Variants in CNTNAP5 observed in about 807,000 individuals in gnomAD.
CNTNAP5 encodes the protein contactin associated protein family member 5.
CNTNAP5 carries 72 observed loss-of-function variants against 150.2 expected under a neutral mutation model. The observed-to-expected ratio is 0.48, with a 90% CI of 0.40 to 0.58. The LOEUF (loss-of-function observed/expected upper bound fraction) is 0.58. Ranked by LOEUF, CNTNAP5 falls within the 20% of genes least tolerant of loss-of-function variation. The probability of loss-of-function intolerance (pLI) is 0.00; values close to 1 mark genes in which losing one functional copy is unlikely to be tolerated. For missense variants in CNTNAP5, 1,636 were observed against 1,626.2 expected (o/e 1.01, Z -0.10); for synonymous variants, 672 against 619.8 (o/e 1.08, Z -1.25).
At chr2:124,322,334 G>T (rs1689121965) in intron 3 of CNTNAP5, among the ~76,000 whole-genome samples, 1 of 152,106 alleles carries the variant, frequency 6.6e-6, no homozygotes, top group Non-Finnish European at 1.5e-5. Flanking sequence ...TGCAGCACAG[G>T]TTAGAGATTG....
At chr2:124,821,276 A>G (rs937581241) in intron 19 of CNTNAP5, among the ~76,000 whole-genome samples, 1 of 152,202 alleles carries the variant, frequency 6.6e-6, no homozygotes, top group Admixed American at 6.5e-5. Flanking sequence ...ATCTCAGGTT[A>G]TGTAATTTCC....
In CNTNAP5 at chr2:124,066,219, T is replaced by C. The variant is rs116450860; in HGVS notation, c.82+40487T>C. On this transcript the variant is annotated intron_variant, in intron 1 of 23. Coordinates refer to ENST00000682447, the MANE Select transcript of CNTNAP5 (RefSeq NM_001367498.1). Reference sequence around the variant, plus strand: ...TTCTTTCCCCACATCTTGAAAAGCATTATGGATACTCACACTAAAACTCTG... The same window carrying C: ...TTCTTTCCCCACATCTTGAAAAGCACTATGGATACTCACACTAAAACTCTG... Among the ~76,000 whole-genome samples the C allele has an allele frequency of 2.6e-3, 403 of 152,294 alleles. 1 individual carries two copies. The highest frequency in any genetic ancestry group is 9.0e-3 in the African/African-American group (374 of 41,562).
chr2:124,373,402 T>C (rs1171891710), intron 3 of CNTNAP5, among the ~76,000 whole-genome samples: 1 of 152,036 alleles, frequency 6.6e-6, no homozygotes, highest in Non-Finnish European at 1.5e-5. Context: ...GATCAAGGAA[T>C]GGAGAGACAG....
At chr2:124,557,345 A>G (rs1558952789) in intron 10 of CNTNAP5, among the ~76,000 whole-genome samples, 1 of 151,938 alleles carries the variant, frequency 6.6e-6, no homozygotes, top group Non-Finnish European at 1.5e-5. Flanking sequence ...AAAACACAAA[A>G]GTGAGGCTCC....
chr2:124,360,690 A>T (rs2104714261), intron 3 of CNTNAP5, among the ~76,000 whole-genome samples: 1 of 124,568 alleles, frequency 8.0e-6, no homozygotes, highest in South Asian at 2.8e-4. Context: ...TGTTAGTCTG[A>T]TGGGCTTCCC....
chr2:124,369,371 C>T (rs1453710247), intron 3 of CNTNAP5, among the ~76,000 whole-genome samples: 1 of 151,632 alleles, frequency 6.6e-6, no homozygotes, highest in Admixed American at 6.6e-5. Flanking sequence ...CATCTAATCT[C>T]GTGGTTCTCG....
intron 1 of CNTNAP5, among the ~76,000 whole-genome samples, chr2:124,054,157 T>G (rs1681783648): frequency 6.6e-6 from 1 of 152,074 alleles, no homozygotes; most frequent in Admixed American, 6.6e-5. Flanking sequence ...AAAAAATCCC[T>G]CAATTCAAGC....
intron 1 of CNTNAP5, among the ~76,000 whole-genome samples, chr2:124,028,634 C>T (rs1218742133): frequency 1.3e-5 from 2 of 151,966 alleles, no homozygotes; most frequent in East Asian, 3.8e-4. Flanking sequence ...ATATAGTAGG[C>T]CAATGTTTAA....
At chr2:124,440,478 G>A (rs1573996392) in intron 5 of CNTNAP5, among the ~76,000 whole-genome samples, 2 of 152,204 alleles carry the variant, frequency 1.3e-5, no homozygotes, top group East Asian at 1.9e-4. Flanking sequence ...CTAGAAAGAA[G>A]ATTTAATCAA....
At chr2:124,378,014 G>T (rs1690695438) in intron 3 of CNTNAP5, among the ~76,000 whole-genome samples, 1 of 152,044 alleles carries the variant, frequency 6.6e-6, no homozygotes, top group Non-Finnish European at 1.5e-5. Flanking sequence ...TGGGAATGTT[G>T]TTTAAGAACT....
chr2:124,644,543 A>G (rs1409175403), intron 12 of CNTNAP5, among the ~76,000 whole-genome samples: 2 of 152,266 alleles, frequency 1.3e-5, no homozygotes, highest in African/African-American at 2.4e-5. Context: ...ATGAACAATC[A>G]GATGAATTAA....
chr2:124,283,526 G>T (rs1688069232), intron 3 of CNTNAP5, among the ~76,000 whole-genome samples: 1 of 152,156 alleles, frequency 6.6e-6, no homozygotes, highest in Non-Finnish European at 1.5e-5. Context: ...TTGCAGAGAG[G>T]CTGGCTTCAA....
chr2:124,466,840 T>C (rs1693389274), intron 6 of CNTNAP5, among the ~76,000 whole-genome samples: 1 of 152,160 alleles, frequency 6.6e-6, no homozygotes, highest in Non-Finnish European at 1.5e-5. Context: ...CTCCATTCAG[T>C]ATCATCCACA....
intron 21 of CNTNAP5, among the ~76,000 whole-genome samples, chr2:124,878,811 T>C (rs1677911068): frequency 1.3e-5 from 2 of 151,846 alleles, no homozygotes; most frequent in African/African-American, 4.8e-5. Flanking sequence ...GCCTCCCAAG[T>C]AGCTGGGATT....
chr2:124,397,634 T>C (rs188029328), intron 3 of CNTNAP5, among the ~76,000 whole-genome samples: 8 of 152,310 alleles, frequency 5.3e-5, no homozygotes, highest in Admixed American at 3.9e-4. Flanking sequence ...GAAATACAAA[T>C]AAATGTATGA....
In CNTNAP5 at chr2:124,919,199, T is replaced by C. The variant is rs1678826365; in HGVS notation, c.*4911T>C. Among the ~76,000 whole-genome samples the C allele has an allele frequency of 6.6e-6, 1 of 152,136 alleles. No homozygotes were observed. The highest frequency in any genetic ancestry group is 1.5e-5 in the Non-Finnish European group (1 of 68,018). On this transcript the variant is annotated 3_prime_UTR_variant, in exon 24 of 24. Coordinates refer to ENST00000682447, the MANE Select transcript of CNTNAP5 (RefSeq NM_001367498.1). ...CAACTTTTCTCTTGAACATTCTACA[T>C]ACATATCTGTTTGGTAGGGAGAGAA...
intron 19 of CNTNAP5, among the ~76,000 whole-genome samples, chr2:124,822,955 C>T (rs1203804112): frequency 6.6e-6 from 1 of 152,192 alleles, no homozygotes; most frequent in Non-Finnish European, 1.5e-5. Context: ...GTGTGACCAT[C>T]ATCACTGAAA....
At chr2:124,426,908 A>G (rs982907719) in intron 4 of CNTNAP5, among the ~76,000 whole-genome samples, 7 of 152,110 alleles carry the variant, frequency 4.6e-5, no homozygotes, top group Non-Finnish European at 1.0e-4. Flanking sequence ...TCTTGACCCA[A>G]AAGGAGAGGT....
intron 10 of CNTNAP5, among the ~76,000 whole-genome samples, chr2:124,555,527 T>G (rs1695732990): frequency 6.6e-6 from 1 of 152,266 alleles, no homozygotes; most frequent in South Asian, 2.1e-4. Context: ...GATGAACTCT[T>G]ACATTTTTCT....
Sources: gnomAD v4.1 joint callset for allele counts (sites outside exome capture counted in the v4.1 genomes callset) on GRCh38, gnomAD v4.1.1 for gene constraint, MANE v1.5 for transcripts, NCBI Gene and HGNC (gene_info 2026-07-23, HGNC 2026-07-21) for gene names.